The following SYCE1L variants were observed in gnomAD, a reference collection of about 807,000 sequenced individuals.
SYCE1L encodes synaptonemal complex central element protein 1-like.
A neutral mutation model predicts 39.6 loss-of-function variants in SYCE1L; 51 were observed. The observed-to-expected ratio is 1.29, with a 90% confidence interval of 1.03 to 1.63. The LOEUF (loss-of-function observed/expected upper bound fraction) is 1.63. Ranked by LOEUF, SYCE1L falls within the 40% of genes most tolerant of loss-of-function variation. The probability of loss-of-function intolerance (pLI) is 0.00; values close to 1 mark genes in which losing one functional copy is unlikely to be tolerated. For missense variants in SYCE1L, 426 were observed against 304.9 expected (o/e 1.40, Z -2.96); for synonymous variants, 147 against 122.4 (o/e 1.20, Z -1.33).
chr16:77,201,795 A>G (rs1479073491), intron 1 of SYCE1L: 1 of 152,216 alleles, frequency 6.6e-6, no homozygotes, highest in African/African-American at 2.4e-5. Context: ...ATTAAATTAT[A>G]AGTTCTAATT....
chr16:77,212,914 GC>G lies in SYCE1L; in HGVS notation c.716del (p.Pro239LeufsTer75). ...GGAGGATCCCGAGCCGCCGGTGGCT[GC>G]CCCTGACGCCCTCTAGGCCAGCAGG... ...DEEDPEPPVA[A>X]PDAL On this transcript the variant is annotated frameshift_variant, in exon 11 of 11. Coordinates refer to ENST00000378644, the MANE Select transcript of SYCE1L (RefSeq NM_001129979.3). LOFTEE classifies it high-confidence loss of function. 2 of 1,529,698 alleles carry G rather than the reference GC, an allele frequency of 1.3e-6. No individual in the cohort carries two copies. 94.8% of individuals were successfully genotyped at this position (1,529,698 alleles called of 1,614,324 possible).
At chr16:77,210,980 A>G (rs1597038593) in intron 6 of SYCE1L, among the ~76,000 whole-genome samples, 1 of 152,084 alleles carries the variant, frequency 6.6e-6, no homozygotes, top group South Asian at 2.1e-4. Flanking sequence ...ATCTGGGGTA[A>G]CTCCCAAGCC....
intron 1 of SYCE1L, among the ~76,000 whole-genome samples, chr16:77,204,025 T>C (rs1256493569): frequency 2.0e-5 from 3 of 152,162 alleles, no homozygotes; most frequent in African/African-American, 7.2e-5. Flanking sequence ...TTGGTACTTA[T>C]TCATCAGAAA....
At chr16:77,211,722 A>G (rs2054823831) in intron 7 of SYCE1L, among the ~76,000 whole-genome samples, 1 of 152,138 alleles carries the variant, frequency 6.6e-6, no homozygotes, top group Admixed American at 6.5e-5. Context: ...GCACCAAGAA[A>G]GTTAGTGGCT....
At chr16:77,208,607 C>G in intron 4 of SYCE1L, 68 bp downstream of exon 4, 2 of 1,458,720 alleles carry the variant, frequency 1.4e-6, no homozygotes, top group South Asian at 2.5e-5. Flanking sequence ...AGGGCCTTTG[C>G]ACAGGCTGCT....
Position 77,208,387 on chromosome 16 carries a change from G to C in SYCE1L, c.182-78G>C, listed in dbSNP as rs1424146. 7.1e-6 allele frequency: 11 copies of C among 1,544,578 alleles called. No homozygotes were observed. The South Asian group carries it at 1.3e-4, about 18-fold the overall frequency. ...CCTCTAGGGTTGTTTGAAGATGACTGTGCAATGTCATATTTGCGAGAGAAC... is the reference window on the plus strand; with the variant it reads ...CCTCTAGGGTTGTTTGAAGATGACTCTGCAATGTCATATTTGCGAGAGAAC... On this transcript the variant is annotated intron_variant, in intron 3 of 10. Coordinates refer to ENST00000378644, the MANE Select transcript of SYCE1L (RefSeq NM_001129979.3).
In SYCE1L at chr16:77,207,856, C is replaced by G. The variant is rs1267275060; in HGVS notation, c.122-354C>G. The stretch of plus-strand genomic sequence containing the variant: ...GCACTCTGCCTGGAATGGGTCCCCC[C>G]TCCATACTCTTTACCCCCACAGAAC... On this transcript the variant is annotated intron_variant, in intron 2 of 10. Coordinates refer to ENST00000378644, the MANE Select transcript of SYCE1L (RefSeq NM_001129979.3). 2.6e-5 allele frequency among the ~76,000 whole-genome samples: 4 copies of G among 152,168 alleles called. No homozygotes were observed. The East Asian group carries it at 7.7e-4, about 29-fold the overall frequency.
At chr16:77,205,044 C>CAAAAAAA (rs1451754899) in intron 1 of SYCE1L, among the ~76,000 whole-genome samples, 2 of 123,234 alleles carry the variant, frequency 1.6e-5, no homozygotes, top group African/African-American at 3.1e-5. Context: ...GACTCCATCT[C>CAAAAAAA]AAAAAAAAAA....
chr16:77,210,820 C>T (rs1216857518), intron 6 of SYCE1L, among the ~76,000 whole-genome samples: 9 of 152,154 alleles, frequency 5.9e-5, no homozygotes. Context: ...AACAGACATC[C>T]CAACTCCCAC....
At chr16:77,210,423 C>T (rs1167863332) in intron 6 of SYCE1L, among the ~76,000 whole-genome samples, 6 of 152,164 alleles carry the variant, frequency 3.9e-5, no homozygotes, top group Admixed American at 2.0e-4. Context: ...ATGGGGAAAC[C>T]TGATGTTAGC....
At chr16:77,210,101 C>A (rs1304727415) in intron 6 of SYCE1L, among the ~76,000 whole-genome samples, 1 of 152,210 alleles carries the variant, frequency 6.6e-6, no homozygotes, top group African/African-American at 2.4e-5. Flanking sequence ...TTTCTCCAGC[C>A]AGCAACTCAC....
intron 6 of SYCE1L, among the ~76,000 whole-genome samples, chr16:77,210,866 A>G (rs140945884): frequency 2.1e-4 from 32 of 152,332 alleles, no homozygotes; most frequent in Non-Finnish European, 3.8e-4. Flanking sequence ...TTCAGAGAAT[A>G]TGACTGAGGG....
chr16:77,205,433 A>AATATATATATATATATATATATGT lies in SYCE1L; in HGVS notation c.62-992_62-991insATATATGTATATATATATATATAT, dbSNP rs145238524. ...TCATGTTAAAATATACATAGAAGTA[A>AATATATATATATATATATATATGT]ATATATATATATATATGTATACATA... On this transcript the variant is annotated intron_variant, in intron 1 of 10. Transcript: ENST00000378644. Among the ~76,000 whole-genome samples the AATATATATATATATATATATATGT allele has an allele frequency of 1.5e-3, 219 of 145,288 alleles. 2 individuals are homozygous for AATATATATATATATATATATATGT. Among genetic ancestry groups the AATATATATATATATATATATATGT allele is most frequent in the African/African-American group, 5.3e-3 (214 of 40,304 alleles).
At chr16:77,200,291 T>TATGTGTATATATATATATATATATATAC in intron 1 of SYCE1L, 3 of 111,422 alleles carry the variant, frequency 2.7e-5, no homozygotes, top group Non-Finnish European at 3.8e-5. Flanking sequence ...TATATATATA[T>TATGTGTATATATATATATATATATATAC]ACACACACTA....
chr16:77,209,946 C>T (rs1171549576), intron 6 of SYCE1L, among the ~76,000 whole-genome samples: 2 of 152,224 alleles, frequency 1.3e-5, no homozygotes, highest in Non-Finnish European at 2.9e-5. Context: ...TCCATCCAAT[C>T]ATGCATTCAT....
At chr16:77,200,925 T>C (rs1392377235) in intron 1 of SYCE1L, 1 of 152,190 alleles carries the variant, frequency 6.6e-6, no homozygotes, top group Non-Finnish European at 1.5e-5. Context: ...TTGTCACCTT[T>C]CTGCCCCACT....
chr16:77,212,498 C>G, intron 9 of SYCE1L, 76 bp from the exon 10 acceptor site: 1 of 1,538,632 alleles, frequency 6.5e-7, no homozygotes, highest in Non-Finnish European at 8.7e-7. Flanking sequence ...GTCGGGTCTC[C>G]GCGTCTCGGT....
At chr16:77,200,170 AAAAC>A (rs2054716643) in intron 1 of SYCE1L, 1 of 150,424 alleles carries the variant, frequency 6.6e-6, no homozygotes, top group African/African-American at 2.4e-5. Context: ...TCTCTACTAA[AAAAC>A]TATATATACA....
chr16:77,206,604 T>A (rs770900611), intron 2 of SYCE1L, 104 bp downstream of exon 2: 8 of 1,091,316 alleles, frequency 7.3e-6, no homozygotes, highest in African/African-American at 1.6e-5. Context: ...AATTATCCCA[T>A]TGCACTTTCT....
Sources: allele counts gnomAD v4.1 joint callset (sites outside exome capture counted in the v4.1 genomes callset), GRCh38; gene constraint gnomAD v4.1.1; transcripts MANE v1.5; gene names NCBI Gene and HGNC (gene_info 2026-07-23, HGNC 2026-07-21).